GPR89B: variants seen among roughly 807,000 people sequenced by gnomAD.
GPR89B encodes the protein golgi pH regulator B.
A neutral mutation model predicts 52.4 loss-of-function variants in GPR89B; 25 were observed. The observed-to-expected ratio is 0.48, with a 90% confidence interval of 0.35 to 0.67. The LOEUF (loss-of-function observed/expected upper bound fraction) is 0.67, where lower values mean the gene tolerates loss of function less well. Among genes scored for constraint, GPR89B ranks in the 30% least tolerant of loss-of-function variants. The probability of loss-of-function intolerance (pLI) is 0.01; values close to 1 mark genes in which losing one functional copy is unlikely to be tolerated. For missense variants in GPR89B, 146 were observed against 450.2 expected (o/e 0.32, Z 6.11); for synonymous variants, 52 against 151.2 (o/e 0.34, Z 4.81).
At chr1:148,008,539 G>A in the GPR89B span, among the ~76,000 whole-genome samples, 2 of 152,076 alleles carry the variant, frequency 1.3e-5, no homozygotes, top group Non-Finnish European at 2.9e-5. Flanking sequence ...TACCACCAGT[G>A]CTTCTCCAGC....
At chr1:147,965,612 G>C (rs1347373653) in intron 7 of GPR89B, among the ~76,000 whole-genome samples, 1 of 152,082 alleles carries the variant, frequency 6.6e-6, no homozygotes, top group African/African-American at 2.4e-5. Context: ...CACAGACTGA[G>C]AGGACCAGGA....
intron 12 of GPR89B, among the ~76,000 whole-genome samples, chr1:147,989,812 T>C (rs1411733086): frequency 5.1e-4 from 78 of 152,358 alleles, no homozygotes; most frequent in African/African-American, 1.9e-3. Context: ...GTGCCACATT[T>C]TCTTAATCCA....
chr1:147,928,607 C>G, intron 1 of GPR89B, 29 bp downstream of exon 1: 1 of 1,613,620 alleles, frequency 6.2e-7, no homozygotes. Flanking sequence ...CCCCGACACC[C>G]GTCCGCCTCC....
chr1:147,977,030 C>T (rs1657883639), intron 10 of GPR89B, among the ~76,000 whole-genome samples: 1 of 151,348 alleles, frequency 6.6e-6, no homozygotes, highest in African/African-American at 2.4e-5. Flanking sequence ...GTCAGAAGAT[C>T]GAGACCATCC....
chr1:148,022,072 G>T, the GPR89B span: 1 of 150,830 alleles, frequency 6.6e-6, no homozygotes, highest in Admixed American at 6.6e-5. Flanking sequence ...TCTCCATCTT[G>T]TTTTCTCTCT....
intron 10 of GPR89B, among the ~76,000 whole-genome samples, chr1:147,972,531 G>T (rs1657546030): frequency 2.0e-5 from 3 of 151,648 alleles, no homozygotes; most frequent in Admixed American, 2.0e-4. Context: ...TAGATACGAG[G>T]TGATATTGCA....
intron 2 of GPR89B, among the ~76,000 whole-genome samples, chr1:147,937,005 C>G (rs1166637021): frequency 3.9e-5 from 6 of 151,960 alleles, no homozygotes; most frequent in Non-Finnish European, 8.8e-5. Flanking sequence ...TTTCATTTGT[C>G]TATCTGGCCC....
intron 7 of GPR89B, among the ~76,000 whole-genome samples, chr1:147,959,001 G>A (rs1656338904): frequency 6.6e-6 from 1 of 152,128 alleles, no homozygotes; most frequent in Non-Finnish European, 1.5e-5. Context: ...TTTACAAGTG[G>A]TTTTACAAAA....
chr1:147,980,112 G>A (rs1254252865), intron 10 of GPR89B, among the ~76,000 whole-genome samples: 2 of 149,152 alleles, frequency 1.3e-5, no homozygotes, highest in African/African-American at 2.5e-5. Flanking sequence ...GATTCCATAT[G>A]TATGAGGATA....
chr1:147,994,641 C>T (rs1323799585), downstream of GPR89B, among the ~76,000 whole-genome samples: 2 of 152,160 alleles, frequency 1.3e-5, no homozygotes, highest in Non-Finnish European at 2.9e-5. Context: ...CTGTTTGACA[C>T]ATTAACAAAT....
chr1:147,939,855 C>T (rs587651034), intron 3 of GPR89B, among the ~76,000 whole-genome samples: 2 of 151,282 alleles, frequency 1.3e-5, no homozygotes, highest in South Asian at 4.2e-4. Context: ...AAAAAATCAG[C>T]AGAGTGTGGT....
chr1:147,999,597 CAAAA>C, the GPR89B span, among the ~76,000 whole-genome samples: 3 of 107,492 alleles, frequency 2.8e-5, no homozygotes, highest in Non-Finnish European at 5.9e-5. Context: ...GACAACGTCT[CAAAA>C]AAAAAAAAAA....
At chr1:148,005,851 G>C in the GPR89B span, among the ~76,000 whole-genome samples, 17 of 151,926 alleles carry the variant, frequency 1.1e-4, no homozygotes, top group African/African-American at 3.6e-4. Context: ...CTGTTCGTAA[G>C]TTCCCCTGAT....
chr1:147,962,959 A>T (rs1242580171), intron 7 of GPR89B, among the ~76,000 whole-genome samples: 1 of 151,198 alleles, frequency 6.6e-6, no homozygotes, highest in Non-Finnish European at 1.5e-5. Context: ...TTCAGAAAAA[A>T]AAAAAAGAAT....
At chr1:147,975,890 T>G (rs1179934436) in intron 10 of GPR89B, among the ~76,000 whole-genome samples, 2 of 152,126 alleles carry the variant, frequency 1.3e-5, no homozygotes, top group African/African-American at 4.8e-5. Flanking sequence ...AACTTCTTGA[T>G]TTCTGCCTTA....
chr1:148,000,795 A>C, the GPR89B span, among the ~76,000 whole-genome samples: 2 of 128,388 alleles, frequency 1.6e-5, no homozygotes, highest in African/African-American at 3.0e-5. Context: ...AAAAAAAAAA[A>C]CAACAACAAA....
chr1:147,960,140 A>G (rs1251046622), intron 7 of GPR89B, among the ~76,000 whole-genome samples: 8 of 151,850 alleles, frequency 5.3e-5, no homozygotes, highest in South Asian at 2.1e-4. Context: ...TGCAGGTATG[A>G]CAGATTTCAC....
intron 7 of GPR89B, among the ~76,000 whole-genome samples, chr1:147,961,356 C>G (rs1432343715): frequency 2.0e-5 from 3 of 151,502 alleles, no homozygotes; most frequent in African/African-American, 4.8e-5. Flanking sequence ...CATAAGAAAA[C>G]TACACCTATG....
At chr1:148,005,914 C>G in the GPR89B span, among the ~76,000 whole-genome samples, 4 of 152,102 alleles carry the variant, frequency 2.6e-5, no homozygotes, top group African/African-American at 9.7e-5. Context: ...TTTGGTTTCT[C>G]AGCTCCTTTG....
Sources: allele counts gnomAD v4.1 joint callset (sites outside exome capture counted in the v4.1 genomes callset), GRCh38; gene constraint gnomAD v4.1.1; transcripts MANE v1.5; gene names NCBI Gene and HGNC (gene_info 2026-07-23, HGNC 2026-07-21).